VAV3: variants seen among roughly 807,000 people sequenced by gnomAD.
The protein encoded by VAV3 is guanine nucleotide exchange factor VAV3.
Under a neutral mutation model 131.2 loss-of-function variants are expected in VAV3, and 94 were observed. That is an observed-to-expected ratio of 0.72 (90% CI 0.61 to 0.85). The LOEUF is 0.85. Among genes scored for constraint, VAV3 ranks in the 40% least tolerant of loss-of-function variants. The probability of loss-of-function intolerance (pLI) is 0.00; values close to 1 mark genes in which losing one functional copy is unlikely to be tolerated. For missense variants in VAV3, 939 were observed against 1,002.7 expected (o/e 0.94, Z 0.86); for synonymous variants, 349 against 342.0 (o/e 1.02, Z -0.22).
Position 107,757,319 on chromosome 1 carries a change from T to C in VAV3, c.1028A>G (p.Lys343Arg), listed in dbSNP as rs771752347. 19 of 1,612,852 alleles carry C rather than the reference T, an allele frequency of 1.2e-5. No individual in the cohort carries two copies. Among genetic ancestry groups the C allele is most frequent in the East Asian group, 2.2e-5 (1 of 44,840 alleles). The change falls in exon 11 of 27, where the codon AAA (lysine) becomes AGA (arginine). Residue 343 changes from lysine (K) to arginine (R), a missense_variant. Lys to Arg is a conservative substitution (Grantham distance 26). Coordinates refer to ENST00000370056, the MANE Select transcript of VAV3 (RefSeq NM_006113.5). ...CTTCTCAGTCGGATCAGTGGTATGT[T>C]TGACCAGTTCCTATTTGGAAGATAT... Reference protein sequence around the residue: ...KYHLLLQELVKHTTDPTEKAN... With the variant: ...KYHLLLQELVRHTTDPTEKAN...
At chr1:107,753,969 A>G (rs931655242) in intron 12 of VAV3, among the ~76,000 whole-genome samples, 2 of 152,188 alleles carry the variant, frequency 1.3e-5, no homozygotes, top group Non-Finnish European at 2.9e-5. Context: ...AAAGGGATTT[A>G]TTTTAGATGC....
At chr1:107,728,226 C>A (rs1661971308) in intron 15 of VAV3, among the ~76,000 whole-genome samples, 1 of 152,134 alleles carries the variant, frequency 6.6e-6, no homozygotes, top group South Asian at 2.1e-4. Flanking sequence ...AGATATAGAG[C>A]AAAGAGTCAG....
At chr1:107,962,293 A>T (rs1675124094) in intron 1 of VAV3, among the ~76,000 whole-genome samples, 1 of 151,986 alleles carries the variant, frequency 6.6e-6, no homozygotes, top group Admixed American at 6.5e-5. Context: ...TATTCACTAC[A>T]GCTAGAACCT....
At chr1:107,952,487 C>CGTATATATATATATATATAT (rs1557943615) in intron 1 of VAV3, among the ~76,000 whole-genome samples, 8 of 133,464 alleles carry the variant, frequency 6.0e-5, no homozygotes, top group Non-Finnish European at 1.1e-4. Flanking sequence ...TATATATATA[C>CGTATATATATATATATATAT]ACACATAAAT....
intron 1 of VAV3, 53 bp from the exon 2 acceptor site, chr1:107,875,070 C>T (rs1670432332): frequency 5.5e-6 from 8 of 1,453,172 alleles, no homozygotes; most frequent in Non-Finnish European, 6.8e-6. Flanking sequence ...TGAATGCTAT[C>T]CACCCTCTGT....
chr1:107,761,380 G>A (rs1197038127), intron 9 of VAV3, among the ~76,000 whole-genome samples: 2 of 137,860 alleles, frequency 1.5e-5, no homozygotes, highest in African/African-American at 5.5e-5. Flanking sequence ...GTGACAGAGT[G>A]AGACTCCGTC....
chr1:107,765,793 C>T (rs1204801621), intron 8 of VAV3, among the ~76,000 whole-genome samples: 1 of 152,116 alleles, frequency 6.6e-6, no homozygotes, highest in Non-Finnish European at 1.5e-5. Flanking sequence ...TCTCTTAACT[C>T]TCCACTGGAA....
intron 20 of VAV3, among the ~76,000 whole-genome samples, chr1:107,635,478 G>C (rs1654848773): frequency 9.1e-6 from 1 of 110,134 alleles, no homozygotes; most frequent in South Asian, 4.0e-4. Flanking sequence ...TGTGGGGTGG[G>C]GGGAGGGGGG....
chr1:107,654,167 T>C (rs1656374050), intron 19 of VAV3, among the ~76,000 whole-genome samples: 1 of 152,066 alleles, frequency 6.6e-6, no homozygotes, highest in African/African-American at 2.4e-5. Flanking sequence ...AAAATAAGTT[T>C]AGATTAGATT....
chr1:107,851,605 C>T (rs1422118243), intron 2 of VAV3, among the ~76,000 whole-genome samples: 1 of 152,076 alleles, frequency 6.6e-6, no homozygotes, highest in Non-Finnish European at 1.5e-5. Context: ...TTTAAATACA[C>T]AGGAAGTCAA....
At chr1:107,687,104 A>C (rs1047049174) in intron 18 of VAV3, among the ~76,000 whole-genome samples, 3 of 152,150 alleles carry the variant, frequency 2.0e-5, no homozygotes, top group Non-Finnish European at 2.9e-5. Flanking sequence ...CTTACCTGTC[A>C]ATGAAACACT....
At chr1:107,633,606 G>GTATGGTC (rs1654678928) in intron 20 of VAV3, among the ~76,000 whole-genome samples, 1 of 152,034 alleles carries the variant, frequency 6.6e-6, no homozygotes, top group Admixed American at 6.6e-5. Context: ...TATTTGATTG[G>GTATGGTC]TATGGTCCCC....
intron 19 of VAV3, among the ~76,000 whole-genome samples, chr1:107,667,777 T>G (rs960135640): frequency 3.9e-5 from 6 of 152,168 alleles, no homozygotes; most frequent in African/African-American, 1.4e-4. Context: ...TTTGGGGTCA[T>G]TTCCTGATAT....
At position 107,596,136 on chromosome 1, in the gene VAV3, G is replaced by A. The variant is rs139782969; in HGVS notation, c.2350+76C>T. 1.0e-5 allele frequency: 16 copies of A among 1,543,596 alleles called. No individual in the cohort carries two copies. The East Asian group carries it at 3.4e-4, about 33-fold the overall frequency. Reference sequence around the variant, plus strand: ...TCCATTGGTTATATTTTAAAATTTGGAAGGAAGATGTTTAATGTTATTGTG... The same window carrying A: ...TCCATTGGTTATATTTTAAAATTTGAAAGGAAGATGTTTAATGTTATTGTG... On this transcript the variant is annotated intron_variant, in intron 25 of 26. Transcript: ENST00000370056.
intron 15 of VAV3, among the ~76,000 whole-genome samples, chr1:107,747,391 C>T (rs1271032889): frequency 6.6e-6 from 1 of 152,104 alleles, no homozygotes; most frequent in Non-Finnish European, 1.5e-5. Flanking sequence ...AGAGCAAAGG[C>T]TCGAGATCAG....
chr1:107,848,349 C>T (rs1297659722), intron 2 of VAV3, among the ~76,000 whole-genome samples: 1 of 151,516 alleles, frequency 6.6e-6, no homozygotes, highest in Non-Finnish European at 1.5e-5. Flanking sequence ...AAACTGAATC[C>T]AGCAGCACAT....
chr1:107,641,025 G>A (rs1655301182), intron 20 of VAV3, among the ~76,000 whole-genome samples: 1 of 152,166 alleles, frequency 6.6e-6, no homozygotes, highest in South Asian at 2.1e-4. Context: ...ATGCAAGTAT[G>A]TTTTCTGGTT....
At chr1:107,693,211 G>A (rs1161900520) in intron 17 of VAV3, among the ~76,000 whole-genome samples, 4 of 152,116 alleles carry the variant, frequency 2.6e-5, no homozygotes, top group Non-Finnish European at 4.4e-5. Context: ...GGTTGCCATA[G>A]TGAATGTGAA....
At chr1:107,662,622 A>G (rs1657105609) in intron 19 of VAV3, among the ~76,000 whole-genome samples, 1 of 152,216 alleles carries the variant, frequency 6.6e-6, no homozygotes, top group South Asian at 2.1e-4. Context: ...AAAGCTTCTT[A>G]TAGCCCAAAT....
Sources: allele counts gnomAD v4.1 joint callset (sites outside exome capture counted in the v4.1 genomes callset), GRCh38; gene constraint gnomAD v4.1.1; transcripts MANE v1.5; gene names NCBI Gene and HGNC (gene_info 2026-07-23, HGNC 2026-07-21).